The following USO1 variants were observed in gnomAD, a reference collection of about 807,000 sequenced individuals.
The protein encoded by USO1 is USO1 vesicle transport factor.
Under a neutral mutation model 124.5 loss-of-function variants are expected in USO1, and 57 were observed. The ratio of observed to expected loss-of-function variants is 0.46; its 90% confidence interval spans 0.37 to 0.57. The LOEUF is 0.57. Among genes scored for constraint, USO1 ranks in the 20% least tolerant of loss-of-function variants. The probability of loss-of-function intolerance (pLI) is 0.00; values close to 1 mark genes in which losing one functional copy is unlikely to be tolerated. For synonymous variants in USO1, 369 were observed against 362.8 expected (o/e 1.02, Z -0.19); for missense variants, 900 against 1,040.6 (o/e 0.86, Z 1.86).
chr4:75,731,782 TG>T (rs919746442), intron 1 of USO1, among the ~76,000 whole-genome samples: 39 of 152,290 alleles, frequency 2.6e-4, no homozygotes, highest in African/African-American at 9.1e-4. Context: ...AATGATTGAT[TG>T]ATTAGAGTTA....
chr4:75,765,143 A>T lies in USO1; in HGVS notation c.296-5296A>T, dbSNP rs117158780. 2.4e-3 allele frequency among the ~76,000 whole-genome samples: 365 copies of T among 152,326 alleles called. 4 individuals are homozygous for T. In the East Asian group the frequency reaches 0.037, roughly 16 times the overall value. On this transcript the variant is annotated intron_variant, in intron 4 of 23. Coordinates refer to ENST00000514213, the MANE Select transcript of USO1 (RefSeq NM_003715.4). The stretch of plus-strand genomic sequence containing the variant: ...ATATATGCAAATGGAAACTAGCCCT[A>T]CAAAGCACCCATGACTAAGTTAATA...
intron 1 of USO1, among the ~76,000 whole-genome samples, chr4:75,743,354 C>T (rs1721022144): frequency 6.6e-6 from 1 of 152,084 alleles, no homozygotes; most frequent in Non-Finnish European, 1.5e-5. Flanking sequence ...CTCATTGAGT[C>T]GGTTTTCCTA....
In USO1 at chr4:75,770,559, G is replaced by A. The variant is rs1212167356; in HGVS notation, c.396+20G>A. 1.3e-6 allele frequency: 2 copies of A among 1,545,582 alleles called. No homozygotes were observed. The highest frequency in any genetic ancestry group is 2.7e-5 in the African/African-American group (2 of 72,730). On this transcript the variant is annotated intron_variant, in intron 5 of 23. Coordinates refer to ENST00000514213, the MANE Select transcript of USO1 (RefSeq NM_003715.4). ...TTGGAGGTAAATAGGGAACCTTGAT[G>A]TTTTTGTCATCTTAATAAGCTGCTT...
chr4:75,728,481 C>G (rs1720527925), intron 1 of USO1, among the ~76,000 whole-genome samples: 2 of 152,048 alleles, frequency 1.3e-5, no homozygotes, highest in South Asian at 2.1e-4. Context: ...GAAACCCTGT[C>G]TCTACTAAAA....
At chr4:75,787,290 CA>C in intron 10 of USO1, 88 bp downstream of exon 10, 1 of 1,344,170 alleles carries the variant, frequency 7.4e-7, no homozygotes, top group Non-Finnish European at 9.6e-7. Context: ...GGAAAAACTA[CA>C]ATAGTTAACC....
intron 1 of USO1, among the ~76,000 whole-genome samples, chr4:75,729,083 A>G (rs1720551843): frequency 6.6e-6 from 1 of 152,172 alleles, no homozygotes; most frequent in African/African-American, 2.4e-5. Context: ...GGTGTGAGCC[A>G]CGGCACCTGG....
At chr4:75,776,528 GAT>G (rs1369137162) in intron 8 of USO1, among the ~76,000 whole-genome samples, 3 of 152,162 alleles carry the variant, frequency 2.0e-5, no homozygotes, top group African/African-American at 7.2e-5. Context: ...TTTAAGGAAA[GAT>G]AGAATTTGCT....
chr4:75,728,914 T>C (rs1720545923), intron 1 of USO1, among the ~76,000 whole-genome samples: 1 of 151,868 alleles, frequency 6.6e-6, no homozygotes, highest in Admixed American at 6.6e-5. Flanking sequence ...TTCTTCTGCC[T>C]CAGCCTCCCA....
chr4:75,762,817 A>C (rs1721657223), intron 4 of USO1, among the ~76,000 whole-genome samples: 1 of 152,082 alleles, frequency 6.6e-6, no homozygotes, highest in African/African-American at 2.4e-5. Flanking sequence ...AGTCCCAGCT[A>C]CTTGGGAGGC....
At chr4:75,727,343 A>G (rs906829065) in intron 1 of USO1, among the ~76,000 whole-genome samples, 20 of 152,222 alleles carry the variant, frequency 1.3e-4, no homozygotes, top group African/African-American at 4.8e-4. Context: ...CGTATGTTGT[A>G]TATATAAACT....
In USO1 at chr4:75,800,012, C is replaced by T. The variant is rs908832558; in HGVS notation, c.1563+280C>T. 4.6e-5 allele frequency among the ~76,000 whole-genome samples: 7 copies of T among 151,176 alleles called. No individual in the cohort carries two copies. The South Asian group carries it at 6.3e-4, about 14-fold the overall frequency. On this transcript the variant is annotated intron_variant, in intron 14 of 23. Transcript: ENST00000514213. ...AGGCTGGAGTGTAGTGGCGCGATCT[C>T]GGCTCACTGCAACTTCCGCCTCCCA...
At chr4:75,799,481 GT>G in intron 13 of USO1, 140 bp from the exon 14 acceptor site, 1 of 946,946 alleles carries the variant, frequency 1.1e-6, no homozygotes, top group Non-Finnish European at 1.5e-6. Context: ...CTCTTGTTTA[GT>G]TTTTTAAAAC....
At chr4:75,769,543 C>T (rs1451910445) in intron 4 of USO1, among the ~76,000 whole-genome samples, 1 of 152,014 alleles carries the variant, frequency 6.6e-6, no homozygotes, top group East Asian at 1.9e-4. Context: ...ACTTTCAGCT[C>T]CATTGGCTGA....
chr4:75,751,707 T>C (rs1489649220), intron 1 of USO1, among the ~76,000 whole-genome samples: 1 of 151,430 alleles, frequency 6.6e-6, no homozygotes, highest in Non-Finnish European at 1.5e-5. Context: ...GGCAGGTGCC[T>C]GTAATCCCAT....
chr4:75,777,042 AT>A (rs1290005464), intron 8 of USO1, among the ~76,000 whole-genome samples: 1 of 152,116 alleles, frequency 6.6e-6, no homozygotes. Context: ...TAGGATTTGC[AT>A]TTTGTTTTCT....
intron 9 of USO1, among the ~76,000 whole-genome samples, chr4:75,784,283 G>T (rs924477168): frequency 6.6e-6 from 1 of 152,164 alleles, no homozygotes; most frequent in African/African-American, 2.4e-5. Flanking sequence ...GCTTCCCAAA[G>T]TGCTGCTGTT....
intron 10 of USO1, among the ~76,000 whole-genome samples, chr4:75,788,106 T>A (rs1407497427): frequency 6.6e-6 from 1 of 151,930 alleles, no homozygotes; most frequent in Non-Finnish European, 1.5e-5. Context: ...GGATTTCCTT[T>A]ACTTGTCTCC....
chr4:75,794,903 G>A (rs1722635616), intron 13 of USO1, among the ~76,000 whole-genome samples: 1 of 152,074 alleles, frequency 6.6e-6, no homozygotes, highest in Admixed American at 6.6e-5. Flanking sequence ...ATCTCTTAGA[G>A]ATTAAAAAAA....
chr4:75,800,061 A>G (rs1040787572), intron 14 of USO1, among the ~76,000 whole-genome samples: 3 of 150,784 alleles, frequency 2.0e-5, no homozygotes, highest in African/African-American at 7.3e-5. Flanking sequence ...CTCCTGCCTC[A>G]CTCAGCCTCC....
Sources: allele counts gnomAD v4.1 joint callset (sites outside exome capture counted in the v4.1 genomes callset), GRCh38; gene constraint gnomAD v4.1.1; transcripts MANE v1.5; gene names NCBI Gene and HGNC (gene_info 2026-07-23, HGNC 2026-07-21).